The following TMEM131 variants were observed in gnomAD, a reference collection of about 807,000 sequenced individuals.
TMEM131 encodes the protein transmembrane protein 131, also known as 2610524E03Rik.
TMEM131 carries 66 observed loss-of-function variants against 211.6 expected under a neutral mutation model. That is an observed-to-expected ratio of 0.31 (90% CI 0.26 to 0.38). The LOEUF (loss-of-function observed/expected upper bound fraction) is 0.38, where lower values mean the gene tolerates loss of function less well. Among genes scored for constraint, TMEM131 ranks in the 10% least tolerant of loss-of-function variants. The pLI is 1.00. For synonymous variants in TMEM131, 844 were observed against 841.3 expected (o/e 1.00, Z -0.06); for missense variants, 2,036 against 2,299.3 (o/e 0.89, Z 2.34).
chr2:97,908,301 C>A (rs372268355), intron 3 of TMEM131, among the ~76,000 whole-genome samples: 3 of 152,090 alleles, frequency 2.0e-5, no homozygotes, highest in Admixed American at 6.5e-5. Flanking sequence ...TGGGGGCCTG[C>A]GGGCAGACCC....
At chr2:97,914,273 C>G (rs1676412440) in intron 2 of TMEM131, among the ~76,000 whole-genome samples, 1 of 152,152 alleles carries the variant, frequency 6.6e-6, no homozygotes. Context: ...GTAAAAAGAG[C>G]TATATTTTAA....
intron 35 of TMEM131, chr2:97,764,872 T>A (rs1444870222): frequency 6.6e-6 from 1 of 152,216 alleles, no homozygotes; most frequent in Non-Finnish European, 1.5e-5. Context: ...TCACCTGCTC[T>A]CCCGGCAGCA....
At chr2:97,984,077 TC>T (rs1280500225) in intron 1 of TMEM131, among the ~76,000 whole-genome samples, 1 of 152,156 alleles carries the variant, frequency 6.6e-6, no homozygotes, top group Non-Finnish European at 1.5e-5. Flanking sequence ...AGTTCCAGAC[TC>T]CCAGAAGAAA....
intron 11 of TMEM131, among the ~76,000 whole-genome samples, chr2:97,831,176 G>C (rs552687555): frequency 9.9e-5 from 15 of 152,188 alleles, no homozygotes; most frequent in African/African-American, 3.4e-4. Context: ...TTCCATGTCT[G>C]TAAGTTCACT....
intron 11 of TMEM131, 112 bp from the exon 12 acceptor site, chr2:97,818,833 A>G (rs1681975061): frequency 3.0e-6 from 2 of 660,502 alleles, no homozygotes; most frequent in Admixed American, 2.8e-5. Flanking sequence ...CTAAATTTGA[A>G]AAGTTTAACT....
At chr2:97,838,618 T>C (rs557641628) in intron 7 of TMEM131, among the ~76,000 whole-genome samples, 23 of 152,036 alleles carry the variant, frequency 1.5e-4, no homozygotes, top group African/African-American at 5.6e-4. Context: ...CTAATTTTTG[T>C]ATTTTTCGCA....
chr2:97,776,031 A>G lies in TMEM131; in HGVS notation c.4145-13T>C, dbSNP rs1369300071. On this transcript the variant is annotated splice_polypyrimidine_tract_variant and intron_variant, in intron 31 of 40. Coordinates refer to ENST00000186436, the MANE Select transcript of TMEM131 (RefSeq NM_015348.2). ...GGTTTTCCTTTCCCTGAGGATAAAA[A>G]TTAAAGTAAAAGAACTCTTGTTTTT... 1 of 1,594,370 alleles carries G rather than the reference A, an allele frequency of 6.3e-7. No homozygotes were observed. Among genetic ancestry groups the G allele is most frequent in the Non-Finnish European group, 8.5e-7 (1 of 1,174,312 alleles).
intron 4 of TMEM131, among the ~76,000 whole-genome samples, chr2:97,870,414 T>C (rs1471935619): frequency 6.6e-6 from 1 of 152,120 alleles, no homozygotes; most frequent in Non-Finnish European, 1.5e-5. Flanking sequence ...GTCCTGTTTG[T>C]TTCCATTACT....
intron 3 of TMEM131, among the ~76,000 whole-genome samples, chr2:97,896,756 C>A (rs752757756): frequency 2.6e-5 from 4 of 151,952 alleles, no homozygotes; most frequent in Admixed American, 1.3e-4. Context: ...TAAACTTGAT[C>A]TTCAAAACAT....
In TMEM131 at chr2:97,772,284, T is replaced by G. The variant is rs1374000451; in HGVS notation, c.4448+13A>C. On this transcript the variant is annotated intron_variant, in intron 33 of 40. Coordinates refer to ENST00000186436, the MANE Select transcript of TMEM131 (RefSeq NM_015348.2). The stretch of plus-strand genomic sequence containing the variant: ...TTATAGACCTTATTTCTCTGTACAC[T>G]TATTTCTCTCACCTGGGTTTCACAT... 1.3e-6 allele frequency: 2 copies of G among 1,596,406 alleles called. No homozygotes were observed. Among genetic ancestry groups the G allele is most frequent in the African/African-American group, 1.4e-5 (1 of 73,356 alleles).
At chr2:97,985,305 T>G (rs1679975876) in intron 1 of TMEM131, among the ~76,000 whole-genome samples, 2 of 152,074 alleles carry the variant, frequency 1.3e-5, no homozygotes, top group South Asian at 4.1e-4. Context: ...AATAAGTTGT[T>G]AATTATGTTG....
At chr2:97,809,611 TA>T in intron 19 of TMEM131, 76 bp downstream of exon 19, 1 of 984,552 alleles carries the variant, frequency 1.0e-6, no homozygotes, top group Non-Finnish European at 1.6e-6. Context: ...GACTTTACTC[TA>T]AGATTCTAGG....
intron 1 of TMEM131, among the ~76,000 whole-genome samples, chr2:97,986,541 T>C (rs1680035890): frequency 6.6e-6 from 1 of 152,156 alleles, no homozygotes; most frequent in Non-Finnish European, 1.5e-5. Context: ...GTTTTTTCCT[T>C]CCTACATCTC....
At chr2:97,852,588 T>C (rs1435469021) in intron 5 of TMEM131, among the ~76,000 whole-genome samples, 1 of 152,138 alleles carries the variant, frequency 6.6e-6, no homozygotes, top group Non-Finnish European at 1.5e-5. Context: ...ATTCATGAGG[T>C]TTAAGAAAAG....
chr2:97,790,891 A>G (rs1054850123), intron 31 of TMEM131, among the ~76,000 whole-genome samples: 11 of 152,226 alleles, frequency 7.2e-5, no homozygotes, highest in African/African-American at 2.7e-4. Context: ...TAATTCCAAG[A>G]GAACTCAATA....
intron 31 of TMEM131, among the ~76,000 whole-genome samples, chr2:97,786,145 T>C (rs1226500464): frequency 6.6e-6 from 1 of 152,148 alleles, no homozygotes; most frequent in Non-Finnish European, 1.5e-5. Flanking sequence ...TGTACAGTGG[T>C]TTTGCAATGT....
intron 2 of TMEM131, among the ~76,000 whole-genome samples, chr2:97,920,829 A>T (rs1225401831): frequency 6.6e-6 from 1 of 152,234 alleles, no homozygotes; most frequent in Non-Finnish European, 1.5e-5. Flanking sequence ...CAGAATATAA[A>T]ATTATGAGAT....
Position 97,821,280 on chromosome 2 carries a change from A to C in TMEM131, c.1075-2559T>G, listed in dbSNP as rs550256797. 3.9e-5 allele frequency among the ~76,000 whole-genome samples: 6 copies of C among 152,344 alleles called. No homozygotes were observed. The East Asian group carries it at 1.2e-3, about 29-fold the overall frequency. ...AATCAGCACTCTGTAAAAACGCACCAATCAGTGCTCTGTGTCTAGCTAAAG... is the reference window on the plus strand; with the variant it reads ...AATCAGCACTCTGTAAAAACGCACCCATCAGTGCTCTGTGTCTAGCTAAAG... On this transcript the variant is annotated intron_variant, in intron 11 of 40. Coordinates refer to ENST00000186436, the MANE Select transcript of TMEM131 (RefSeq NM_015348.2).
At chr2:97,897,014 T>A (rs1225722380) in intron 3 of TMEM131, among the ~76,000 whole-genome samples, 2 of 152,114 alleles carry the variant, frequency 1.3e-5, no homozygotes, top group South Asian at 2.1e-4. Flanking sequence ...TACTCTATAT[T>A]ACAGTTTTCA....
Sources: allele counts gnomAD v4.1 joint callset (sites outside exome capture counted in the v4.1 genomes callset), GRCh38; gene constraint gnomAD v4.1.1; transcripts MANE v1.5; gene names NCBI Gene and HGNC (gene_info 2026-07-23, HGNC 2026-07-21).